EGLN1: variants seen among roughly 807,000 people sequenced by gnomAD.
EGLN1 encodes egl nine homolog 1.
Under a neutral mutation model 38.3 loss-of-function variants are expected in EGLN1, and 17 were observed. The observed-to-expected ratio is 0.44, with a 90% CI of 0.30 to 0.67. EGLN1 has a LOEUF of 0.67. EGLN1 is among the 30% of genes least tolerant of loss of function. EGLN1 has a pLI of 0.08. For synonymous variants in EGLN1, 283 were observed against 257.5 expected, an observed-to-expected ratio of 1.10 and a Z score of -0.95; for missense variants, 477 against 603.3, an observed-to-expected ratio of 0.79 and a Z score of 2.19.
At chr1:231,415,474 G>T (rs1318526764) in intron 1 of EGLN1, among the ~76,000 whole-genome samples, 1 of 151,958 alleles carries the variant, frequency 6.6e-6, no homozygotes, top group Non-Finnish European at 1.5e-5. Flanking sequence ...TGTAAATGCA[G>T]GAAAAGTGGT....
rs78874606 is a variant in EGLN1 at position 231,419,105 on chromosome 1, G to A, written c.891+1893C>T. Reference sequence around the variant, plus strand: ...AATATCATTTATAGATCCTGAAGTTGCGTCCCTAAAATTAATATAAGCAGA... The same window carrying A: ...AATATCATTTATAGATCCTGAAGTTACGTCCCTAAAATTAATATAAGCAGA... On this transcript the variant is annotated intron_variant, in intron 1 of 4. Transcript: ENST00000366641. Among the ~76,000 whole-genome samples, 214 of 152,304 alleles carry A rather than the reference G, an allele frequency of 1.4e-3. 1 individual carries two copies. In the East Asian group the frequency reaches 0.014, roughly 10 times the overall value.
chr1:231,420,702 G>A (rs1656556672), intron 1 of EGLN1, among the ~76,000 whole-genome samples: 1 of 152,100 alleles, frequency 6.6e-6, no homozygotes, highest in African/African-American at 2.4e-5. Context: ...ACCAATAGTG[G>A]AATGGAAAAA....
intron 1 of EGLN1, among the ~76,000 whole-genome samples, chr1:231,402,647 C>T (rs2491413): frequency 0.54 from 82,229 of 151,360 alleles, 23,923 homozygotes; most frequent in Non-Finnish European, 0.65. Context: ...GTTGGCCAGG[C>T]TGGTCTGGAA....
intron 1 of EGLN1, among the ~76,000 whole-genome samples, chr1:231,391,528 C>A (rs768759166): frequency 2.0e-5 from 3 of 152,098 alleles, no homozygotes; most frequent in Admixed American, 1.3e-4. Flanking sequence ...ATAATTGGCA[C>A]CGCAGAGCCC....
intron 1 of EGLN1, among the ~76,000 whole-genome samples, chr1:231,380,485 A>C (rs139573694): frequency 0.03 from 3,575 of 119,622 alleles, 50 homozygotes; most frequent in East Asian, 0.056. Flanking sequence ...TTTTAAAAAG[A>C]CATATAAGGG....
intron 1 of EGLN1, among the ~76,000 whole-genome samples, chr1:231,384,529 A>G (rs1418221500): frequency 1.3e-5 from 2 of 152,190 alleles, no homozygotes; most frequent in Non-Finnish European, 2.9e-5. Flanking sequence ...GGCAGAAGGA[A>G]TAAATGGTGC....
At chr1:231,384,161 A>T (rs1409531867) in intron 1 of EGLN1, among the ~76,000 whole-genome samples, 1 of 152,114 alleles carries the variant, frequency 6.6e-6, no homozygotes, top group Non-Finnish European at 1.5e-5. Flanking sequence ...CTGGCGAGAG[A>T]GAAAGAACTC....
intron 1 of EGLN1, among the ~76,000 whole-genome samples, chr1:231,391,228 GGT>G (rs1688377885): frequency 1.2e-5 from 1 of 85,466 alleles, no homozygotes; most frequent in South Asian, 4.1e-4. Context: ...TGGGATTACA[GGT>G]GTGAGCCACC....
chr1:231,389,045 T>A (rs1688304038), intron 1 of EGLN1, among the ~76,000 whole-genome samples: 1 of 152,142 alleles, frequency 6.6e-6, no homozygotes, highest in South Asian at 2.1e-4. Flanking sequence ...AATATACAGC[T>A]CATACAAAGC....
intron 1 of EGLN1, among the ~76,000 whole-genome samples, chr1:231,390,150 T>G (rs1472677634): frequency 6.6e-6 from 1 of 152,218 alleles, no homozygotes; most frequent in Non-Finnish European, 1.5e-5. Flanking sequence ...AATAAACTAG[T>G]ACATAAAAAT....
intron 1 of EGLN1, among the ~76,000 whole-genome samples, chr1:231,398,736 A>G (rs1688592288): frequency 8.5e-6 from 1 of 117,614 alleles, no homozygotes; most frequent in Non-Finnish European, 2.0e-5. Flanking sequence ...GGGAGATGAC[A>G]TTCACGGCTA....
intron 1 of EGLN1, among the ~76,000 whole-genome samples, chr1:231,374,948 C>T (rs1251717066): frequency 1.3e-5 from 2 of 152,112 alleles, no homozygotes; most frequent in African/African-American, 2.4e-5. Flanking sequence ...AAAATAACTT[C>T]CATATTCTAG....
At chr1:231,375,601 G>A (rs1312092357) in intron 1 of EGLN1, among the ~76,000 whole-genome samples, 1 of 152,110 alleles carries the variant, frequency 6.6e-6, no homozygotes, top group Admixed American at 6.6e-5. Flanking sequence ...AGAATTTTTG[G>A]AGAACATTAT....
intron 1 of EGLN1, among the ~76,000 whole-genome samples, chr1:231,406,159 C>A (rs1266852489): frequency 1.6e-5 from 1 of 62,136 alleles, no homozygotes; most frequent in African/African-American, 5.5e-5. Context: ...CAGAGAGACT[C>A]CGTCTCAAAA....
chr1:231,409,440 A>G (rs1473271243), intron 1 of EGLN1, among the ~76,000 whole-genome samples: 1 of 152,124 alleles, frequency 6.6e-6, no homozygotes, highest in Non-Finnish European at 1.5e-5. Context: ...GCACTGTGGT[A>G]CCTTCAGTGC....
intron 1 of EGLN1, among the ~76,000 whole-genome samples, chr1:231,376,280 C>T (rs1017683395): frequency 2.0e-5 from 3 of 152,156 alleles, no homozygotes; most frequent in Non-Finnish European, 2.9e-5. Context: ...AGTCCTGCCC[C>T]GTTTTGCCTG....
chr1:231,396,356 C>T (rs916901513), intron 1 of EGLN1, among the ~76,000 whole-genome samples: 1 of 151,620 alleles, frequency 6.6e-6, no homozygotes, highest in African/African-American at 2.4e-5. Flanking sequence ...TAGGTTCAAG[C>T]GATTCTCCTG....
intron 2 of EGLN1, 29 bp from the exon 3 acceptor site, chr1:231,370,727 G>T (rs1372350117): frequency 2.5e-6 from 4 of 1,613,532 alleles, no homozygotes; most frequent in South Asian, 1.1e-5. Flanking sequence ...ATGTAAGCAG[G>T]AGTAACCAAA....
intron 3 of EGLN1, among the ~76,000 whole-genome samples, chr1:231,369,849 TA>T (rs1195063493): frequency 1.3e-5 from 2 of 152,226 alleles, no homozygotes; most frequent in East Asian, 3.8e-4. Context: ...TTTAATGTGC[TA>T]TTTTTCTACA....
Sources: gnomAD v4.1 joint callset for allele counts (sites outside exome capture counted in the v4.1 genomes callset) on GRCh38, gnomAD v4.1.1 for gene constraint, MANE v1.5 for transcripts, NCBI Gene and HGNC (gene_info 2026-07-23, HGNC 2026-07-21) for gene names.